The following PTPRD variants were observed in gnomAD, a reference collection of about 807,000 sequenced individuals.
PTPRD encodes the protein protein tyrosine phosphatase receptor type D, also known as receptor-type tyrosine-protein phosphatase delta.
A neutral mutation model predicts 214.5 loss-of-function variants in PTPRD; 34 were observed. The ratio of observed to expected loss-of-function variants is 0.16; its 90% confidence interval spans 0.12 to 0.21. The LOEUF (loss-of-function observed/expected upper bound fraction) is 0.21, where lower values mean the gene tolerates loss of function less well. Among genes scored for constraint, PTPRD ranks in the 10% least tolerant of loss-of-function variants. PTPRD has a pLI of 1.00. For missense variants in PTPRD, 2,545 were observed against 2,398.7 expected (o/e 1.06, Z -1.27); for synonymous variants, 1,128 against 845.7 (o/e 1.33, Z -5.79).
intron 2 of PTPRD, among the ~76,000 whole-genome samples, chr9:10,600,024 G>C (rs775594450): frequency 3.3e-5 from 5 of 151,678 alleles, no homozygotes; most frequent in Non-Finnish European, 7.4e-5. Context: ...GTGACCTAAA[G>C]AAAGTGTTCA....
intron 3 of PTPRD, among the ~76,000 whole-genome samples, chr9:10,219,108 A>C (rs527429419): frequency 1.0e-3 from 154 of 151,904 alleles, no homozygotes; most frequent in African/African-American, 3.5e-3. Context: ...CCAAAAAATA[A>C]TAAATTAGAA....
intron 8 of PTPRD, among the ~76,000 whole-genome samples, chr9:9,570,124 T>A (rs993604602): frequency 3.3e-5 from 5 of 151,468 alleles, no homozygotes; most frequent in Non-Finnish European, 7.4e-5. Context: ...CAGAAAGTAT[T>A]TGTGCATGCA....
chr9:8,879,784 C>G (rs1208363227), intron 11 of PTPRD, among the ~76,000 whole-genome samples: 1 of 152,148 alleles, frequency 6.6e-6, no homozygotes, highest in Non-Finnish European at 1.5e-5. Flanking sequence ...CATAGAAACA[C>G]AAACGGAGAG....
chr9:9,370,696 C>T (rs1165947236), intron 9 of PTPRD, among the ~76,000 whole-genome samples: 1 of 152,006 alleles, frequency 6.6e-6, no homozygotes, highest in Non-Finnish European at 1.5e-5. Flanking sequence ...TGCCAGTTTT[C>T]AAAGGGAATG....
chr9:9,077,949 A>G (rs917098692), intron 10 of PTPRD, among the ~76,000 whole-genome samples: 3 of 152,110 alleles, frequency 2.0e-5, no homozygotes, highest in African/African-American at 7.2e-5. Flanking sequence ...CTACCTGACC[A>G]TAGCCTAGAA....
chr9:9,512,854 T>A (rs2096741656), intron 8 of PTPRD, among the ~76,000 whole-genome samples: 1 of 132,786 alleles, frequency 7.5e-6, no homozygotes, highest in Non-Finnish European at 1.6e-5. Context: ...CCAGATCTTT[T>A]GCCTTCTATG....
intron 8 of PTPRD, among the ~76,000 whole-genome samples, chr9:9,541,388 A>G (rs941803727): frequency 7.2e-5 from 11 of 151,934 alleles, no homozygotes; most frequent in African/African-American, 2.6e-4. Context: ...CATGGAGAAG[A>G]ATATGAAGGC....
At chr9:9,054,552 A>G (rs1170645383) in intron 10 of PTPRD, among the ~76,000 whole-genome samples, 1 of 152,178 alleles carries the variant, frequency 6.6e-6, no homozygotes, top group Non-Finnish European at 1.5e-5. Context: ...AGTCTGTGCT[A>G]TGGCCAGGAC....
At chr9:9,041,536 G>C (rs1215677391) in intron 10 of PTPRD, among the ~76,000 whole-genome samples, 1 of 152,154 alleles carries the variant, frequency 6.6e-6, no homozygotes, top group African/African-American at 2.4e-5. Context: ...TGCTTCAAAG[G>C]ATATGATCTC....
intron 30 of PTPRD, among the ~76,000 whole-genome samples, chr9:8,480,457 G>A (rs951014622): frequency 6.6e-6 from 1 of 152,060 alleles, no homozygotes; most frequent in African/African-American, 2.4e-5. Flanking sequence ...TGAACTCTTT[G>A]CTTGTCCAAA....
chr9:10,376,263 C>T (rs1227207882), intron 2 of PTPRD, among the ~76,000 whole-genome samples: 1 of 151,512 alleles, frequency 6.6e-6, no homozygotes, highest in South Asian at 2.1e-4. Context: ...CTGTTTCCTG[C>T]TGCATTACCT....
At chr9:9,842,362 T>C (rs1471880188) in intron 5 of PTPRD, among the ~76,000 whole-genome samples, 2 of 144,412 alleles carry the variant, frequency 1.4e-5, no homozygotes, top group Admixed American at 1.5e-4. Context: ...TATGGTGCTG[T>C]GTAGTAACAC....
intron 10 of PTPRD, among the ~76,000 whole-genome samples, chr9:9,172,576 G>C (rs1279639987): frequency 6.6e-6 from 1 of 151,982 alleles, no homozygotes; most frequent in Non-Finnish European, 1.5e-5. Context: ...TTATTTAATT[G>C]GCTTATTCAT....
intron 7 of PTPRD, among the ~76,000 whole-genome samples, chr9:9,660,820 T>A (rs1228012187): frequency 3.9e-5 from 6 of 151,960 alleles, no homozygotes; most frequent in African/African-American, 1.2e-4. Flanking sequence ...AATAACCTCA[T>A]AAGTTATTTA....
chr9:10,030,963 A>G (rs1171522862), intron 4 of PTPRD, among the ~76,000 whole-genome samples: 1 of 152,212 alleles, frequency 6.6e-6, no homozygotes, highest in Non-Finnish European at 1.5e-5. Flanking sequence ...AGTAGATAAC[A>G]CAGATACCTT....
rs1011047375 is a variant in PTPRD, at chr9:9,947,232, A to C, written c.-471-8622T>G. On this transcript the variant is annotated intron_variant, in intron 4 of 45. Coordinates refer to ENST00000381196, the MANE Select transcript of PTPRD (RefSeq NM_002839.4). ...TTTTCAGTAAGGTACTTTGGAATAT[A>C]ATGGTACATTTTAGATATCCAAATT... Among the ~76,000 whole-genome samples the C allele has an allele frequency of 1.4e-3, 195 of 136,476 alleles. 4 individuals carry two copies. Among genetic ancestry groups the C allele is most frequent in the Middle Eastern group, 3.7e-3 (1 of 272 alleles). The allele number at this position is 136,476 out of a possible 152,430, so 89.5% of individuals were successfully genotyped here. A position where few individuals can be genotyped will look rare whatever the true frequency, so the allele number is the denominator to read the frequency against.
At chr9:9,731,616 C>T (rs1456060433) in intron 7 of PTPRD, among the ~76,000 whole-genome samples, 1 of 152,050 alleles carries the variant, frequency 6.6e-6, no homozygotes, top group African/African-American at 2.4e-5. Flanking sequence ...CCCCTCCCTA[C>T]ACCCCACAAT....
chr9:8,345,201 C>G (rs1012957078), intron 39 of PTPRD, among the ~76,000 whole-genome samples: 22 of 152,034 alleles, frequency 1.4e-4, no homozygotes, highest in African/African-American at 5.1e-4. Flanking sequence ...GCCTTCCTAC[C>G]ACAGTGCTTG....
At chr9:10,260,028 T>C (rs765678859) in intron 3 of PTPRD, among the ~76,000 whole-genome samples, 1 of 152,216 alleles carries the variant, frequency 6.6e-6, no homozygotes, top group Non-Finnish European at 1.5e-5. Flanking sequence ...GGCTAGTCCT[T>C]TGTGGTGGTT....
Sources: allele counts gnomAD v4.1 joint callset (sites outside exome capture counted in the v4.1 genomes callset), GRCh38; gene constraint gnomAD v4.1.1; transcripts MANE v1.5; gene names NCBI Gene and HGNC (gene_info 2026-07-23, HGNC 2026-07-21).